ANKRD11: variants seen among roughly 807,000 people sequenced by gnomAD.
ANKRD11 encodes ankyrin repeat domain-containing protein 11.
ANKRD11 carries 17 observed loss-of-function variants against 195.7 expected under a neutral mutation model. That is an observed-to-expected ratio of 0.09 (90% CI 0.06 to 0.13). The LOEUF (loss-of-function observed/expected upper bound fraction) is 0.13, where lower values mean the gene tolerates loss of function less well. ANKRD11 is among the 10% of genes least tolerant of loss of function. The pLI is 1.00. For synonymous variants in ANKRD11, 1,953 were observed against 1,528.1 expected, an observed-to-expected ratio of 1.28 and a Z score of -6.49; for missense variants, 3,735 against 3,566.1, an observed-to-expected ratio of 1.05 and a Z score of -1.21.
chr16:89,428,174 C>G (rs2042800248), intron 1 of ANKRD11, among the ~76,000 whole-genome samples: 1 of 151,694 alleles, frequency 6.6e-6, no homozygotes, highest in South Asian at 2.1e-4. Context: ...TGCCACTGCA[C>G]TACAGCCTAG....
At chr16:89,463,520 G>A (rs1250851744) in intron 1 of ANKRD11, among the ~76,000 whole-genome samples, 2 of 152,130 alleles carry the variant, frequency 1.3e-5, no homozygotes, top group Non-Finnish European at 2.9e-5. Flanking sequence ...AGTACCCAGG[G>A]ACACAAACAC....
At chr16:89,273,583 G>A (rs1425888177) in intron 11 of ANKRD11, among the ~76,000 whole-genome samples, 1 of 152,026 alleles carries the variant, frequency 6.6e-6, no homozygotes, top group African/African-American at 2.4e-5. Context: ...TGTGATCCCA[G>A]CTACTCGGGA....
chr16:89,330,297 C>G (rs913453815), intron 2 of ANKRD11, among the ~76,000 whole-genome samples: 1 of 152,072 alleles, frequency 6.6e-6, no homozygotes, highest in Non-Finnish European at 1.5e-5. Flanking sequence ...CCTGACAGCA[C>G]GCAGCTTCTG....
chr16:89,300,781 G>C, intron 4 of ANKRD11: 1 of 678,018 alleles, frequency 1.5e-6, no homozygotes, highest in South Asian at 1.6e-5. Flanking sequence ...ACTGCAGAGA[G>C]CACACCCCAG....
At chr16:89,321,923 G>C (rs182948283) in intron 2 of ANKRD11, among the ~76,000 whole-genome samples, 32 of 152,230 alleles carry the variant, frequency 2.1e-4, no homozygotes, top group Admixed American at 9.8e-4. Context: ...AAAGCCATTC[G>C]TGGAGACCCG....
Position 89,285,998 on chromosome 16 carries a change from C to A in ANKRD11, c.892+41G>T. ...ACACCACAGGGCAGCTCCTACCATCCCTGCATAAAAGAACAGGCAGCTCAG... is the reference window on the plus strand; with the variant it reads ...ACACCACAGGGCAGCTCCTACCATCACTGCATAAAAGAACAGGCAGCTCAG... On this transcript the variant is annotated intron_variant, in intron 8 of 12. Transcript: ENST00000301030. This position sits in a 1 kb window ranked among gnomAD's most constrained non-coding sequence, Gnocchi z 5.6. 6.2e-7 allele frequency: 1 copy of A among 1,613,556 alleles called. No homozygotes were observed.
chr16:89,323,939 G>A (rs1288613834), intron 2 of ANKRD11: 10 of 216,316 alleles, frequency 4.6e-5, no homozygotes, highest in Admixed American at 3.9e-4. Flanking sequence ...TCTTTGCTAC[G>A]GTTTGAATGT....
intron 4 of ANKRD11, among the ~76,000 whole-genome samples, chr16:89,295,280 G>A (rs1224675922): frequency 6.6e-6 from 1 of 152,188 alleles, no homozygotes; most frequent in African/African-American, 2.4e-5. Context: ...CAGGGAGAGC[G>A]GTGGAGGGTG....
intron 1 of ANKRD11, among the ~76,000 whole-genome samples, chr16:89,485,177 C>T (rs1378870748): frequency 6.6e-6 from 1 of 152,118 alleles, no homozygotes; most frequent in African/African-American, 2.4e-5. Context: ...ATTCACAGAG[C>T]CAGCTTTAGC....
At chr16:89,354,398 GAC>G (rs1457347468) in intron 2 of ANKRD11, among the ~76,000 whole-genome samples, 1 of 152,174 alleles carries the variant, frequency 6.6e-6, no homozygotes, top group African/African-American at 2.4e-5. Context: ...AAAAGTGCTT[GAC>G]ACAGTCAACA....
At chr16:89,358,824 G>T (rs1757440569) in intron 2 of ANKRD11, among the ~76,000 whole-genome samples, 2 of 151,738 alleles carry the variant, frequency 1.3e-5, no homozygotes, top group Admixed American at 6.6e-5. Flanking sequence ...TTTGTTTTTT[G>T]CCTGTAGGTT....
intron 3 of ANKRD11, among the ~76,000 whole-genome samples, chr16:89,315,004 G>A (rs561338172): frequency 1.3e-5 from 2 of 152,264 alleles, no homozygotes; most frequent in African/African-American, 2.4e-5. Context: ...AAGCCAAGCA[G>A]CCCTTTCACA....
At chr16:89,380,566 C>G (rs558890489) in intron 2 of ANKRD11, among the ~76,000 whole-genome samples, 2 of 152,322 alleles carry the variant, frequency 1.3e-5, no homozygotes, top group African/African-American at 4.8e-5. Flanking sequence ...AGGACCTGCC[C>G]GCTGCCTTGG....
intron 2 of ANKRD11, among the ~76,000 whole-genome samples, chr16:89,385,833 GA>G (rs1024452996): frequency 4.6e-5 from 7 of 152,256 alleles, no homozygotes; most frequent in Admixed American, 1.3e-4. Flanking sequence ...AGAGGCCGGG[GA>G]TTAGGCCAGA....
intron 1 of ANKRD11, among the ~76,000 whole-genome samples, chr16:89,446,063 G>A (rs1464142165): frequency 6.8e-6 from 1 of 147,566 alleles, no homozygotes; most frequent in Admixed American, 6.8e-5. Flanking sequence ...ATGAAGCTTT[G>A]TTTTGTTCTT....
At chr16:89,314,609 C>T (rs949402607) in intron 3 of ANKRD11, among the ~76,000 whole-genome samples, 4 of 152,196 alleles carry the variant, frequency 2.6e-5, no homozygotes, top group Non-Finnish European at 4.4e-5. Context: ...GGCTCCACCA[C>T]GCCCAGCCTG....
intron 1 of ANKRD11, among the ~76,000 whole-genome samples, chr16:89,450,122 G>A (rs2044003487): frequency 6.6e-6 from 1 of 152,208 alleles, no homozygotes; most frequent in Non-Finnish European, 1.5e-5. Flanking sequence ...CCAGCTGCAG[G>A]GAAGAACCTG....
chr16:89,396,870 A>G (rs1393068792), intron 2 of ANKRD11, among the ~76,000 whole-genome samples: 1 of 152,096 alleles, frequency 6.6e-6, no homozygotes, highest in Non-Finnish European at 1.5e-5. Context: ...TATTTTTAGT[A>G]AAGACGGGGT....
At chr16:89,355,903 G>A (rs1301893938) in intron 2 of ANKRD11, among the ~76,000 whole-genome samples, 2 of 152,156 alleles carry the variant, frequency 1.3e-5, no homozygotes, top group Non-Finnish European at 2.9e-5. Context: ...GCTCCCCCCA[G>A]CACAGCTCGG....
Sources: allele counts gnomAD v4.1 joint callset (sites outside exome capture counted in the v4.1 genomes callset), GRCh38; gene constraint gnomAD v4.1.1; non-coding constraint Gnocchi (gnomAD v3.1); transcripts MANE v1.5; gene names NCBI Gene and HGNC (gene_info 2026-07-23, HGNC 2026-07-21).